FGD4: variants seen among roughly 807,000 people sequenced by gnomAD.
FGD4 encodes FYVE, RhoGEF and PH domain-containing protein 4.
A neutral mutation model predicts 102.0 loss-of-function variants in FGD4; 42 were observed. The ratio of observed to expected loss-of-function variants is 0.41; its 90% CI spans 0.32 to 0.53. FGD4 has a LOEUF of 0.53. Among genes scored for constraint, FGD4 ranks in the 20% least tolerant of loss-of-function variants. The pLI, the probability that FGD4 is intolerant of heterozygous loss-of-function variation, is 0.21. For missense variants in FGD4, 902 were observed against 1,078.2 expected (o/e 0.84, Z 2.29); for synonymous variants, 380 against 375.7 (o/e 1.01, Z -0.13).
At chr12:32,473,125 G>T (rs1943466742) in intron 1 of FGD4, among the ~76,000 whole-genome samples, 1 of 152,020 alleles carries the variant, frequency 6.6e-6, no homozygotes. Flanking sequence ...CTAGCTCAGG[G>T]ATTGTAAACG....
chr12:32,527,998 T>C (rs1340966913), intron 1 of FGD4, among the ~76,000 whole-genome samples: 1 of 152,192 alleles, frequency 6.6e-6, no homozygotes, highest in East Asian at 1.9e-4. Context: ...ACAGTCTTGC[T>C]CTGTCACCCA....
intron 5 of FGD4, 25 bp downstream of exon 5, chr12:32,598,611 T>G: frequency 6.3e-7 from 1 of 1,580,976 alleles, no homozygotes; most frequent in East Asian, 2.2e-5. Flanking sequence ...CTCAGAATTA[T>G]TTTATATTTT....
chr12:32,624,317 C>T (rs993575850), intron 11 of FGD4, 105 bp from the exon 12 acceptor site: 12 of 863,466 alleles, frequency 1.4e-5, no homozygotes, highest in Admixed American at 7.3e-5. Flanking sequence ...TCCATAACAT[C>T]CCTGAATTTT....
At chr12:32,499,972 C>T (rs1447798199) in intron 1 of FGD4, among the ~76,000 whole-genome samples, 1 of 152,176 alleles carries the variant, frequency 6.6e-6, no homozygotes, top group South Asian at 2.1e-4. Context: ...GAGCCAAGAT[C>T]GTGAGCATGG....
intron 1 of FGD4, among the ~76,000 whole-genome samples, chr12:32,520,431 T>TTTTTTC (rs1711579110): frequency 8.4e-6 from 1 of 118,486 alleles, no homozygotes; most frequent in Middle Eastern, 5.3e-3. Context: ...GTGGGTTTTT[T>TTTTTTC]TGTTTTTTGT....
At chr12:32,561,827 C>T (rs971005014) in intron 1 of FGD4, among the ~76,000 whole-genome samples, 2 of 152,188 alleles carry the variant, frequency 1.3e-5, no homozygotes, top group Non-Finnish European at 1.5e-5. Flanking sequence ...ATCTATGTCT[C>T]ATGATGTATT....
chr12:32,487,660 C>G (rs1023642887), intron 1 of FGD4, among the ~76,000 whole-genome samples: 1 of 152,216 alleles, frequency 6.6e-6, no homozygotes, highest in Non-Finnish European at 1.5e-5. Context: ...CTCCGGACCT[C>G]AAGTGATCCA....
At chr12:32,609,857 A>G (rs902437512) in intron 8 of FGD4, among the ~76,000 whole-genome samples, 1 of 152,210 alleles carries the variant, frequency 6.6e-6, no homozygotes, top group Admixed American at 6.5e-5. Flanking sequence ...AAAATGGGAC[A>G]TGATTTAGGA....
At position 32,506,948 on chromosome 12, in the gene FGD4, CTTTAAG is replaced by C. The variant is rs1384732145; in HGVS notation, c.167-57185_167-57180del. ...TTTTTATTTATTTTTTATTATTATA[CTTTAAG>C]TTTTAGGGCACATGTGCACAACGTG... On this transcript the variant is annotated intron_variant, in intron 1 of 16. Coordinates refer to ENST00000534526, the MANE Select transcript of FGD4 (RefSeq NM_001370298.3). This position sits in a 1 kb window ranked among gnomAD's most constrained non-coding sequence, Gnocchi z 4.5. 3.3e-5 allele frequency among the ~76,000 whole-genome samples: 5 copies of C among 151,924 alleles called. No homozygotes were observed. The South Asian group carries it at 6.2e-4, about 19-fold the overall frequency.
At chr12:32,475,706 A>G (rs1377700479) in intron 1 of FGD4, among the ~76,000 whole-genome samples, 1 of 152,220 alleles carries the variant, frequency 6.6e-6, no homozygotes, top group Non-Finnish European at 1.5e-5. Flanking sequence ...CCACTGGTCT[A>G]AGAGAAAGTC....
At chr12:32,453,151 A>C (rs1205876561) in intron 1 of FGD4, among the ~76,000 whole-genome samples, 1 of 145,938 alleles carries the variant, frequency 6.9e-6, no homozygotes, top group East Asian at 2.0e-4. Flanking sequence ...GATTTATAAA[A>C]CGTGTGTGTG....
intron 1 of FGD4, among the ~76,000 whole-genome samples, chr12:32,514,697 G>T (rs1939721506): frequency 6.6e-6 from 1 of 151,744 alleles, no homozygotes; most frequent in South Asian, 2.1e-4. Context: ...TTAACAGAAA[G>T]GATGTATTTT....
intron 1 of FGD4, among the ~76,000 whole-genome samples, chr12:32,413,954 C>T (rs1941301913): frequency 1.3e-5 from 2 of 149,014 alleles, no homozygotes; most frequent in South Asian, 2.1e-4. Context: ...GAGCGAAGGT[C>T]AGAGAGACCT....
At chr12:32,614,566 C>T (rs12312968) in intron 10 of FGD4, among the ~76,000 whole-genome samples, 21,780 of 152,156 alleles carry the variant, frequency 0.14, 1,733 homozygotes, top group Middle Eastern at 0.25. Flanking sequence ...GAAAGCTTCT[C>T]CAAAGAGTCC....
chr12:32,528,445 G>A (rs1381884238), intron 1 of FGD4, among the ~76,000 whole-genome samples: 2 of 152,078 alleles, frequency 1.3e-5, no homozygotes, highest in African/African-American at 4.8e-5. Flanking sequence ...CTGGAGTGCA[G>A]TGGCATAATC....
chr12:32,635,879 G>A (rs2137046295), intron 15 of FGD4, among the ~76,000 whole-genome samples: 1 of 152,056 alleles, frequency 6.6e-6, no homozygotes, highest in Middle Eastern at 3.4e-3. Context: ...CCGCGTAGTG[G>A]TGTGCCCCTG....
At chr12:32,567,596 A>ACT (rs1945296462) in intron 2 of FGD4, among the ~76,000 whole-genome samples, 1 of 151,320 alleles carries the variant, frequency 6.6e-6, no homozygotes, top group Non-Finnish European at 1.5e-5. Flanking sequence ...CATTTGCAAA[A>ACT]CTCTCACCTA....
At chr12:32,551,375 T>A (rs755493614) in intron 1 of FGD4, among the ~76,000 whole-genome samples, 90 of 152,240 alleles carry the variant, frequency 5.9e-4, no homozygotes, top group Non-Finnish European at 1.2e-3. Flanking sequence ...TGCTAGCTAC[T>A]GTTGTAGTAT....
chr12:32,612,714 A>T (rs562008882), intron 10 of FGD4, among the ~76,000 whole-genome samples: 33 of 152,250 alleles, frequency 2.2e-4, no homozygotes, highest in African/African-American at 7.7e-4. Flanking sequence ...TGTAGTCACT[A>T]TTTTTAATCT....
Sources: gnomAD v4.1 joint callset for allele counts (sites outside exome capture counted in the v4.1 genomes callset) on GRCh38, gnomAD v4.1.1 for gene constraint, Gnocchi (gnomAD v3.1) non-coding constraint, MANE v1.5 for transcripts, NCBI Gene and HGNC (gene_info 2026-07-23, HGNC 2026-07-21) for gene names.